CACUL1: variants seen among roughly 807,000 people sequenced by gnomAD.
CACUL1 encodes CDK2 associated cullin domain 1.
CACUL1 carries 13 observed loss-of-function variants against 45.2 expected under a neutral mutation model. That is an observed-to-expected ratio of 0.29 (90% CI 0.19 to 0.46). The LOEUF (loss-of-function observed/expected upper bound fraction) is 0.46. CACUL1 is among the 20% of genes least tolerant of loss of function. The pLI is 1.00. For missense variants in CACUL1, 421 were observed against 471.4 expected (o/e 0.89, Z 0.99); for synonymous variants, 197 against 174.2 (o/e 1.13, Z -1.03).
intron 5 of CACUL1, 139 bp from the exon 6 acceptor site, chr10:118,695,369 T>C (rs1845312703): frequency 1.7e-6 from 1 of 577,788 alleles, no homozygotes; most frequent in Non-Finnish European, 3.2e-6. Flanking sequence ...CAAATGTTTA[T>C]ATACTAAGGA....
intron 3 of CACUL1, among the ~76,000 whole-genome samples, chr10:118,722,730 G>A (rs939354270): frequency 3.3e-5 from 5 of 152,194 alleles, no homozygotes; most frequent in African/African-American, 4.8e-5. Flanking sequence ...GTAATAGGAG[G>A]AAGAAATCTA....
intron 1 of CACUL1, among the ~76,000 whole-genome samples, chr10:118,747,536 CAAAA>C (rs3061057): frequency 2.6e-5 from 2 of 77,934 alleles, no homozygotes; most frequent in Non-Finnish European, 4.9e-5. Flanking sequence ...TTTGGTAAAT[CAAAA>C]AAAAAAAAAA....
rs1845201727 is a variant in CACUL1, at chr10:118,686,026, CAG to C, written c.*100_*101del. On this transcript the variant is annotated 3_prime_UTR_variant, in exon 9 of 9. Transcript: ENST00000369151. ...TCCTCTTCCATGAACAGCTTTGTGA[CAG>C]AGCTCCTGAGTGTGTGCAGCCCCCA... The C allele has an allele frequency of 7.1e-6, 5 of 703,886 alleles. No homozygotes were observed. Among genetic ancestry groups the C allele is most frequent in the Non-Finnish European group, 1.2e-5 (5 of 414,878 alleles). The allele number at this position is 703,886 out of a possible 1,614,324, so 43.6% of individuals were successfully genotyped here. A position where few individuals can be genotyped will look rare whatever the true frequency, so the allele number is the denominator to read the frequency against.
chr10:118,717,712 C>T (rs1845561309), intron 3 of CACUL1, among the ~76,000 whole-genome samples: 4 of 152,098 alleles, frequency 2.6e-5, no homozygotes, highest in Admixed American at 2.0e-4. Flanking sequence ...CATTAAAGGC[C>T]AAGTGTGAAC....
Position 118,678,618 on chromosome 10 carries a change from A to C in CACUL1, c.*7510T>G, listed in dbSNP as rs1845120096. The stretch of plus-strand genomic sequence containing the variant: ...TCTCTACACTTATTTAGGTCCATTA[A>C]GTTTTTTTTTTATCATTTTCTCATT... On this transcript the variant is annotated 3_prime_UTR_variant, in exon 9 of 9. Transcript: ENST00000369151. 1 of 141,900 alleles carries C rather than the reference A, an allele frequency of 7.0e-6. No individual in the cohort carries two copies. The highest frequency in any genetic ancestry group is 2.2e-4 in the South Asian group (1 of 4,542). 8.8% of individuals were successfully genotyped at this position (141,900 alleles called of 1,614,324 possible). A position where few individuals can be genotyped will look rare whatever the true frequency, so the allele number is the denominator to read the frequency against.
intron 4 of CACUL1, among the ~76,000 whole-genome samples, chr10:118,703,306 T>C (rs1174550831): frequency 6.6e-6 from 1 of 152,094 alleles, no homozygotes; most frequent in Non-Finnish European, 1.5e-5. Flanking sequence ...GATATGCTTT[T>C]TTCCCCCTAA....
chr10:118,752,876 C>G (rs2119691855), intron 1 of CACUL1, among the ~76,000 whole-genome samples: 1 of 152,284 alleles, frequency 6.6e-6, no homozygotes, highest in East Asian at 1.9e-4. Context: ...AGCCTAAGTT[C>G]ATAACGTTCT....
At chr10:118,695,856 G>C (rs936963448) in intron 5 of CACUL1, among the ~76,000 whole-genome samples, 2 of 152,104 alleles carry the variant, frequency 1.3e-5, no homozygotes, top group African/African-American at 4.8e-5. Context: ...AATTCCTCTA[G>C]ATAAGATCAC....
At position 118,685,212 on chromosome 10, in the gene CACUL1, C is replaced by G. The variant is rs894792228; in HGVS notation, c.*916G>C. 2 of 130,674 alleles carry G rather than the reference C, an allele frequency of 1.5e-5. No homozygotes were observed. The highest frequency in any genetic ancestry group is 4.0e-4 in the East Asian group (2 of 5,034). The allele number at this position is 130,674 out of a possible 1,614,324, so 8.1% of individuals were successfully genotyped here. ...TAGCTCTCAATAATACTAAGGGAAGCTTCCGTGCTAAAGTACCGCCCATCC... is the reference window on the plus strand; with the variant it reads ...TAGCTCTCAATAATACTAAGGGAAGGTTCCGTGCTAAAGTACCGCCCATCC... On this transcript the variant is annotated 3_prime_UTR_variant, in exon 9 of 9. Coordinates refer to ENST00000369151, the MANE Select transcript of CACUL1 (RefSeq NM_153810.5).
In CACUL1 at chr10:118,686,111, CATATTCA is replaced by C; in HGVS notation, c.*10_*16del. 6.2e-7 allele frequency: 1 copy of C among 1,601,572 alleles called. No homozygotes were observed. The highest frequency in any genetic ancestry group is 1.7e-5 in the Admixed American group (1 of 59,956). ...TGTGTCCTCTTTTCAGGAAGGAAAG[CATATTCA>C]ATACATTCACTATCTGTACCCCCTG... On this transcript the variant is annotated 3_prime_UTR_variant, in exon 9 of 9. Transcript: ENST00000369151.
At chr10:118,731,130 G>A (rs1486316377) in intron 1 of CACUL1, among the ~76,000 whole-genome samples, 3 of 152,084 alleles carry the variant, frequency 2.0e-5, no homozygotes, top group Non-Finnish European at 4.4e-5. Context: ...TAACAGCTTT[G>A]AAATCCAGGT....
At chr10:118,723,009 A>G (rs1231862801) in intron 3 of CACUL1, among the ~76,000 whole-genome samples, 1 of 152,224 alleles carries the variant, frequency 6.6e-6, no homozygotes, top group Non-Finnish European at 1.5e-5. Flanking sequence ...ACTGCCTCTG[A>G]GCTGCTACTC....
At chr10:118,733,525 T>C (rs1845716404) in intron 1 of CACUL1, among the ~76,000 whole-genome samples, 4 of 152,190 alleles carry the variant, frequency 2.6e-5, no homozygotes, top group African/African-American at 9.7e-5. Flanking sequence ...TTCAAGATAT[T>C]TGTTATTTAC....
intron 1 of CACUL1, among the ~76,000 whole-genome samples, chr10:118,737,706 A>T (rs937148144): frequency 7.4e-6 from 1 of 135,986 alleles, no homozygotes; most frequent in African/African-American, 2.7e-5. Context: ...AAAAAAAAAA[A>T]CCTAGCTGTA....
intron 1 of CACUL1, among the ~76,000 whole-genome samples, chr10:118,742,462 T>C (rs1022444041): frequency 6.6e-6 from 1 of 152,214 alleles, no homozygotes; most frequent in African/African-American, 2.4e-5. Flanking sequence ...TAAAATGCCT[T>C]TCTCTTACAG....
At chr10:118,701,218 T>C in intron 5 of CACUL1, 88 bp downstream of exon 5, 1 of 658,408 alleles carries the variant, frequency 1.5e-6, no homozygotes, top group Non-Finnish European at 2.5e-6. Flanking sequence ...CATTGGGGTT[T>C]ACGTGACAAT....
At chr10:118,754,181 CAAG>C (rs1162286354) in intron 1 of CACUL1, among the ~76,000 whole-genome samples, 4 of 152,008 alleles carry the variant, frequency 2.6e-5, no homozygotes, top group Non-Finnish European at 5.9e-5. Flanking sequence ...CCAGGTAATA[CAAG>C]AAGCCAGGGC....
At chr10:118,750,448 A>G (rs548147744) in intron 1 of CACUL1, among the ~76,000 whole-genome samples, 1 of 152,350 alleles carries the variant, frequency 6.6e-6, no homozygotes, top group South Asian at 2.1e-4. Context: ...AAGTGACTCC[A>G]ATTTTAGTTG....
At position 118,704,362 on chromosome 10, in the gene CACUL1, A is replaced by G. The variant is rs538971846; in HGVS notation, c.694-2954T>C. On this transcript the variant is annotated intron_variant, in intron 4 of 8. Transcript: ENST00000369151. The stretch of plus-strand genomic sequence containing the variant: ...CCTTGATCTGTCTATCCCTGCCACC[A>G]ATGACAATCATTATTAATTACCATA... Among the ~76,000 whole-genome samples, 6 of 152,332 alleles carry G rather than the reference A, an allele frequency of 3.9e-5. No individual in the cohort carries two copies. In the East Asian group the frequency reaches 9.6e-4, roughly 24 times the overall value.
Sources: allele counts gnomAD v4.1 joint callset (sites outside exome capture counted in the v4.1 genomes callset), GRCh38; gene constraint gnomAD v4.1.1; transcripts MANE v1.5; gene names NCBI Gene and HGNC (gene_info 2026-07-23, HGNC 2026-07-21).